Variants in CTNNA3 observed in about 807,000 individuals in gnomAD.
CTNNA3 encodes catenin alpha-3.
Under a neutral mutation model 95.7 loss-of-function variants are expected in CTNNA3, and 76 were observed. The ratio of observed to expected loss-of-function variants is 0.79; its 90% CI spans 0.66 to 0.96. The LOEUF (loss-of-function observed/expected upper bound fraction) is 0.96, where lower values mean the gene tolerates loss of function less well. Ranked by LOEUF, CTNNA3 falls within the 40% of genes least tolerant of loss-of-function variation. The pLI, the probability that CTNNA3 is intolerant of heterozygous loss-of-function variation, is 0.00. For missense variants in CTNNA3, 1,191 were observed against 1,089.8 expected (o/e 1.09, Z -1.31); for synonymous variants, 431 against 374.4 (o/e 1.15, Z -1.74).
chr10:66,131,756 C>T (rs2083114876), intron 13 of CTNNA3, among the ~76,000 whole-genome samples: 2 of 152,180 alleles, frequency 1.3e-5, no homozygotes, highest in East Asian at 3.9e-4. Context: ...CGCACATCTA[C>T]AATCATCTGA....
At chr10:66,093,852 A>T (rs12356578) in intron 14 of CTNNA3, among the ~76,000 whole-genome samples, 3 of 151,964 alleles carry the variant, frequency 2.0e-5, no homozygotes, top group Non-Finnish European at 4.4e-5. Flanking sequence ...TATCTTACAA[A>T]ATAAAGCCTC....
At chr10:66,897,531 A>T (rs574756710) in intron 7 of CTNNA3, among the ~76,000 whole-genome samples, 2 of 152,308 alleles carry the variant, frequency 1.3e-5, no homozygotes, top group Non-Finnish European at 2.9e-5. Flanking sequence ...AACCAACAAC[A>T]AATTATTTTA....
chr10:67,543,570 G>A (rs1366848786), intron 3 of CTNNA3, among the ~76,000 whole-genome samples: 1 of 152,008 alleles, frequency 6.6e-6, no homozygotes, highest in East Asian at 1.9e-4. Flanking sequence ...TAACCAAAAT[G>A]AAAAGGGGCA....
intron 11 of CTNNA3, among the ~76,000 whole-genome samples, chr10:66,380,748 A>C (rs965883957): frequency 6.6e-6 from 1 of 151,844 alleles, no homozygotes; most frequent in Non-Finnish European, 1.5e-5. Flanking sequence ...GGAATTACTG[A>C]GATCTTACTG....
At chr10:66,209,526 G>A (rs2087991903) in intron 13 of CTNNA3, among the ~76,000 whole-genome samples, 1 of 152,008 alleles carries the variant, frequency 6.6e-6, no homozygotes, top group South Asian at 2.1e-4. Context: ...TAGTTCCAAA[G>A]CCCCGAGGCA....
chr10:66,054,650 AT>A (rs1053574463), intron 15 of CTNNA3, among the ~76,000 whole-genome samples: 2 of 151,982 alleles, frequency 1.3e-5, no homozygotes, highest in African/African-American at 4.8e-5. Context: ...ATTGGCAAAT[AT>A]TTTTTTCCAT....
chr10:66,564,326 CA>C (rs1341830248), intron 10 of CTNNA3, among the ~76,000 whole-genome samples: 1 of 152,084 alleles, frequency 6.6e-6, no homozygotes, highest in Admixed American at 6.6e-5. Flanking sequence ...CCATAATGAG[CA>C]GATGTACAAT....
chr10:67,521,135 G>A (rs1839971487), intron 5 of CTNNA3, among the ~76,000 whole-genome samples: 1 of 152,192 alleles, frequency 6.6e-6, no homozygotes, highest in South Asian at 2.1e-4. Flanking sequence ...TAGTGGCTGT[G>A]AAGAAACTGG....
chr10:65,976,289 C>T (rs2078206446), intron 16 of CTNNA3, among the ~76,000 whole-genome samples: 1 of 151,982 alleles, frequency 6.6e-6, no homozygotes, highest in East Asian at 1.9e-4. Context: ...GGATTTGTTC[C>T]TTGAAGACCA....
At chr10:67,372,448 T>C (rs1237920801) in intron 5 of CTNNA3, among the ~76,000 whole-genome samples, 1 of 152,234 alleles carries the variant, frequency 6.6e-6, no homozygotes, top group African/African-American at 2.4e-5. Context: ...AAGAAACGAA[T>C]AAAGCCTCCA....
At chr10:67,575,849 A>G (rs548724232) in intron 3 of CTNNA3, among the ~76,000 whole-genome samples, 1 of 152,200 alleles carries the variant, frequency 6.6e-6, no homozygotes, top group South Asian at 2.1e-4. Flanking sequence ...CCTTTGCTGT[A>G]GTTTCTCTAT....
chr10:67,675,007 AT>A (rs1214145494), intron 1 of CTNNA3, among the ~76,000 whole-genome samples: 1 of 152,084 alleles, frequency 6.6e-6, no homozygotes, highest in African/African-American at 2.4e-5. Flanking sequence ...ATATCTACCA[AT>A]TTAATGAGTA....
At chr10:66,005,080 G>A (rs2078852923) in intron 15 of CTNNA3, among the ~76,000 whole-genome samples, 1 of 152,094 alleles carries the variant, frequency 6.6e-6, no homozygotes, top group African/African-American at 2.4e-5. Flanking sequence ...CTTGGCTTGT[G>A]GATTTTTCTT....
chr10:66,458,699 G>C lies in CTNNA3; in HGVS notation c.1531+61918C>G, dbSNP rs2093510192. On this transcript the variant is annotated intron_variant, in intron 11 of 17. Transcript: ENST00000433211. ...GACAATATTTGTCCTTTTGTGTCTG[G>C]CTTATTTCACTTAGCATAATGTCTT... Among the ~76,000 whole-genome samples, 3 of 152,056 alleles carry C rather than the reference G, an allele frequency of 2.0e-5. No homozygotes were observed. The South Asian group carries it at 6.2e-4, about 32-fold the overall frequency.
At chr10:66,008,972 C>A (rs1020145939) in intron 15 of CTNNA3, among the ~76,000 whole-genome samples, 3 of 152,024 alleles carry the variant, frequency 2.0e-5, no homozygotes, top group Admixed American at 6.6e-5. Context: ...TAGTGGCACG[C>A]ACCTGTAATC....
At chr10:67,102,780 AAC>A (rs1010704260) in intron 7 of CTNNA3, among the ~76,000 whole-genome samples, 2 of 151,822 alleles carry the variant, frequency 1.3e-5, no homozygotes, top group Non-Finnish European at 1.5e-5. Flanking sequence ...GTGTTATTAT[AAC>A]ACAGCACACT....
At chr10:66,163,472 C>T (rs1243415351) in intron 13 of CTNNA3, among the ~76,000 whole-genome samples, 2 of 152,114 alleles carry the variant, frequency 1.3e-5, no homozygotes, top group African/African-American at 4.8e-5. Context: ...TGCAAACAGA[C>T]CTTCAGGTTC....
At chr10:66,640,286 G>T (rs532299669) in intron 9 of CTNNA3, among the ~76,000 whole-genome samples, 1 of 152,200 alleles carries the variant, frequency 6.6e-6, no homozygotes, top group East Asian at 1.9e-4. Context: ...TCATGGCATA[G>T]TCGTTCACTA....
chr10:67,234,602 C>G (rs1190798218), intron 5 of CTNNA3, among the ~76,000 whole-genome samples: 1 of 151,758 alleles, frequency 6.6e-6, no homozygotes, highest in Non-Finnish European at 1.5e-5. Context: ...AAAACTGGCA[C>G]AAGACAGGGA....
Sources: allele counts gnomAD v4.1 joint callset (sites outside exome capture counted in the v4.1 genomes callset), GRCh38; gene constraint gnomAD v4.1.1; transcripts MANE v1.5; gene names NCBI Gene and HGNC (gene_info 2026-07-23, HGNC 2026-07-21).